SLC22A8: variants seen among roughly 807,000 people sequenced by gnomAD.
The protein encoded by SLC22A8 is solute carrier family 22 member 8.
SLC22A8 carries 40 observed loss-of-function variants against 48.4 expected under a neutral mutation model. The observed-to-expected ratio is 0.83, with a 90% CI of 0.64 to 1.08. The LOEUF is 1.08. Among genes scored for constraint, SLC22A8 ranks in the 50% least tolerant of loss-of-function variants. The pLI is 0.00. For synonymous variants in SLC22A8, 268 were observed against 286.3 expected, an observed-to-expected ratio of 0.94 and a Z score of 0.65; for missense variants, 606 against 699.0, an observed-to-expected ratio of 0.87 and a Z score of 1.50.
chr11:63,006,072 G>A (rs1336747203), intron 2 of SLC22A8, among the ~76,000 whole-genome samples: 1 of 152,156 alleles, frequency 6.6e-6, no homozygotes, highest in Non-Finnish European at 1.5e-5. Flanking sequence ...AAGGTATTTA[G>A]AGAGAATTTT....
intron 2 of SLC22A8, among the ~76,000 whole-genome samples, chr11:63,012,205 G>A (rs1303226949): frequency 6.6e-6 from 1 of 152,038 alleles, no homozygotes; most frequent in Non-Finnish European, 1.5e-5. Context: ...GGCCAGGCTG[G>A]TCTCAAACTC....
chr11:63,006,947 A>G (rs1330683388), intron 2 of SLC22A8, among the ~76,000 whole-genome samples: 1 of 152,168 alleles, frequency 6.6e-6, no homozygotes, highest in East Asian at 1.9e-4. Flanking sequence ...TAGTTGCTAC[A>G]TAGTATATGT....
At chr11:62,998,508 A>T (rs1164983429) in intron 5 of SLC22A8, among the ~76,000 whole-genome samples, 1 of 151,934 alleles carries the variant, frequency 6.6e-6, no homozygotes, top group African/African-American at 2.4e-5. Context: ...ATCCCCTCCC[A>T]TCTGTCTATT....
chr11:62,996,690 G>A (rs919798891), intron 5 of SLC22A8, among the ~76,000 whole-genome samples: 2 of 152,212 alleles, frequency 1.3e-5, no homozygotes, highest in South Asian at 2.1e-4. Flanking sequence ...GGGGAGTTGT[G>A]GGGAGGGAGT....
In SLC22A8 at chr11:62,992,857, A is replaced by AAT. The variant is rs2086359850; in HGVS notation, c.*379_*380insAT. On this transcript the variant is annotated 3_prime_UTR_variant, in exon 11 of 11. Coordinates refer to ENST00000336232, the MANE Select transcript of SLC22A8 (RefSeq NM_004254.4). ...TTATCGCTGTTTATTGAAACCTCCC[A>AAT]TCAAAGAAAAGTGTGGGAGGCAAGA... The AAT allele has an allele frequency of 8.6e-6, 2 of 232,454 alleles. No homozygotes were observed. The highest frequency in any genetic ancestry group is 4.5e-5 in the African/African-American group (2 of 44,280). 14.4% of individuals were successfully genotyped at this position (232,454 alleles called of 1,614,324 possible).
At position 62,994,587 on chromosome 11, in the gene SLC22A8, G is replaced by T. The variant is rs368590495; in HGVS notation, c.1171C>A (p.Leu391Ile). ...GCCAAGATGGCCCCTCCTGCCAGGA[G>T]CAGGGCAGCGGCCTGAGTGGTATGC... Reference protein sequence around the residue: ...GRHTTQAAALLLAGGAILALT... With the variant: ...GRHTTQAAALILAGGAILALT... The change falls in exon 8 of 11, where the codon CTC (leucine) becomes ATC (isoleucine). Residue 391 changes from leucine to isoleucine, a missense_variant. Physicochemically the swap from Leu to Ile is conservative, Grantham distance 5 (BLOSUM62 2). Transcript: ENST00000336232. 8 of 1,613,682 alleles carry T rather than the reference G, an allele frequency of 5.0e-6. No homozygotes were observed. Among genetic ancestry groups the T allele is most frequent in the Non-Finnish European group, 5.9e-6 (7 of 1,179,820 alleles).
chr11:63,015,471 G>T (rs2086663932), intron 1 of SLC22A8, among the ~76,000 whole-genome samples: 1 of 152,188 alleles, frequency 6.6e-6, no homozygotes, highest in African/African-American at 2.4e-5. Context: ...GGTGGTGAAT[G>T]TCCCCAGTTG....
intron 2 of SLC22A8, among the ~76,000 whole-genome samples, chr11:63,001,534 C>G (rs1164310734): frequency 6.6e-6 from 1 of 152,210 alleles, no homozygotes; most frequent in African/African-American, 2.4e-5. Context: ...GGCTTGCCCT[C>G]TGGCAGATGT....
chr11:62,993,341 G>A lies in SLC22A8; in HGVS notation c.1530-5C>T. 1.2e-6 allele frequency: 2 copies of A among 1,613,936 alleles called. No homozygotes were observed. The highest frequency in any genetic ancestry group is 1.7e-6 in the Non-Finnish European group (2 of 1,179,880). ...GGCTTCTTTGCCCGCAGGGACCTAG[G>A]GACAGAGAGCTAAGGAAAAGCCCTG... On this transcript the variant is annotated splice_region_variant and splice_polypyrimidine_tract_variant and intron_variant, in intron 10 of 10. Coordinates refer to ENST00000336232, the MANE Select transcript of SLC22A8 (RefSeq NM_004254.4).
In SLC22A8 at chr11:63,011,552, C is replaced by T. The variant is rs1330504530; in HGVS notation, c.333+3074G>A. ...CTTATGGCTATTGAGGCATCTTTGA[C>T]TCCCTCCCTGTCCCTCACTCCCTGC... On this transcript the variant is annotated intron_variant, in intron 2 of 10. Coordinates refer to ENST00000336232, the MANE Select transcript of SLC22A8 (RefSeq NM_004254.4). Among the ~76,000 whole-genome samples, 7 of 152,284 alleles carry T rather than the reference C, an allele frequency of 4.6e-5. No individual in the cohort carries two copies. The South Asian group carries it at 1.2e-3, about 27-fold the overall frequency.
rs139472995 is a variant in SLC22A8, at chr11:62,992,967, G to A, written c.*270C>T. 129 of 501,510 alleles carry A rather than the reference G, an allele frequency of 2.6e-4. No individual in the cohort carries two copies. The highest frequency in any genetic ancestry group is 1.9e-3 in the African/African-American group (102 of 52,434). 31.1% of individuals were successfully genotyped at this position (501,510 alleles called of 1,614,324 possible). On this transcript the variant is annotated 3_prime_UTR_variant, in exon 11 of 11. Transcript: ENST00000336232. ...CAGGGGACCTCAGGGGAAGAGGACC[G>A]GGACAGTGGGGGAAGGTGGCCAGTG... is the stretch of plus-strand genomic sequence containing the variant.
chr11:63,006,902 C>G (rs377717425), intron 2 of SLC22A8, among the ~76,000 whole-genome samples: 1 of 151,930 alleles, frequency 6.6e-6, no homozygotes, highest in Non-Finnish European at 1.5e-5. Flanking sequence ...CCACCGCGCC[C>G]AGCCTTGAGG....
At chr11:63,004,110 G>T (rs11231300) in intron 2 of SLC22A8, among the ~76,000 whole-genome samples, 30,398 of 152,102 alleles carry the variant, frequency 0.2, 6,583 homozygotes, top group African/African-American at 0.54. Context: ...CTGCTTGGAA[G>T]GTTTCAGGCT....
At chr11:62,994,946 T>C in intron 7 of SLC22A8, 190 bp from the exon 8 acceptor site, 1 of 628,788 alleles carries the variant, frequency 1.6e-6, no homozygotes, top group South Asian at 1.8e-5. Flanking sequence ...AGTGCTGTGA[T>C]TGACTGGTCA....
intron 7 of SLC22A8, 21 bp from the exon 8 acceptor site, chr11:62,994,777 G>C (rs774326192): frequency 6.3e-7 from 1 of 1,599,398 alleles, no homozygotes; most frequent in African/African-American, 1.3e-5. Flanking sequence ...GAGAAGGATT[G>C]GTTAGCACCT....
chr11:63,007,655 C>G (rs2086571210), intron 2 of SLC22A8, among the ~76,000 whole-genome samples: 1 of 152,132 alleles, frequency 6.6e-6, no homozygotes, highest in Non-Finnish European at 1.5e-5. Flanking sequence ...CATCTTTTTC[C>G]TTTCTTGGAA....
Position 62,993,205 on chromosome 11 carries a change from C to G in SLC22A8, c.*32G>C. On this transcript the variant is annotated 3_prime_UTR_variant, in exon 11 of 11. Coordinates refer to ENST00000336232, the MANE Select transcript of SLC22A8 (RefSeq NM_004254.4). ...TAAGGTGCCTGGCTAGGATCAGTCT[C>G]TGGAGGGCAGGGAAAGGGGGTTCCG... 1 of 1,558,648 alleles carries G rather than the reference C, an allele frequency of 6.4e-7. No individual in the cohort carries two copies. Among genetic ancestry groups the G allele is most frequent in the Non-Finnish European group, 8.8e-7 (1 of 1,135,940 alleles).
intron 2 of SLC22A8, among the ~76,000 whole-genome samples, chr11:63,004,875 T>C (rs1429121539): frequency 6.6e-6 from 1 of 152,214 alleles, no homozygotes; most frequent in African/African-American, 2.4e-5. Flanking sequence ...GATCTGCCAG[T>C]GTCTACATGA....
At chr11:63,013,436 C>T (rs910573729) in intron 2 of SLC22A8, among the ~76,000 whole-genome samples, 5 of 152,252 alleles carry the variant, frequency 3.3e-5, no homozygotes, top group South Asian at 4.1e-4. Context: ...TTGCAACGAA[C>T]GCATCTCTTC....
Sources: gnomAD v4.1 joint callset for allele counts (sites outside exome capture counted in the v4.1 genomes callset) on GRCh38, gnomAD v4.1.1 for gene constraint, MANE v1.5 for transcripts, NCBI Gene and HGNC (gene_info 2026-07-23, HGNC 2026-07-21) for gene names.